The following KMT2C variants were observed in gnomAD, a reference collection of about 807,000 sequenced individuals.
KMT2C encodes the protein lysine methyltransferase 2C.
A neutral mutation model predicts 507.9 loss-of-function variants in KMT2C; 88 were observed. The observed-to-expected ratio is 0.17, with a 90% CI of 0.15 to 0.21. The LOEUF (loss-of-function observed/expected upper bound fraction) is 0.21. Ranked by LOEUF, KMT2C falls within the 10% of genes least tolerant of loss-of-function variation. The pLI, the probability that KMT2C is intolerant of heterozygous loss-of-function variation, is 1.00. For missense variants in KMT2C, 4,954 were observed against 5,957.8 expected (o/e 0.83, Z 5.55); for synonymous variants, 2,049 against 2,080.8 (o/e 0.98, Z 0.42).
Position 152,298,969 on chromosome 7 carries a change from C to CA in KMT2C, c.849+10996dup, listed in dbSNP as rs796354907. ...GTACACTATAATCTTAAAGCAACTA[C>CA]AAAAATAATTTTTAAAAACAGGTAA... On this transcript the variant is annotated intron_variant, in intron 6 of 58. Transcript: ENST00000262189. 4.1e-4 allele frequency among the ~76,000 whole-genome samples: 63 copies of CA among 152,174 alleles called. 1 individual carries two copies. The highest frequency in any genetic ancestry group is 1.5e-3 in the African/African-American group (61 of 41,534).
At chr7:152,263,919 A>G (rs1464441242) in intron 8 of KMT2C, among the ~76,000 whole-genome samples, 1 of 152,222 alleles carries the variant, frequency 6.6e-6, no homozygotes, top group Non-Finnish European at 1.5e-5. Flanking sequence ...GAAAGCAAGA[A>G]GAGCTGAGAG....
chr7:152,155,878 T>C (rs1007143071), intron 46 of KMT2C, 32 bp downstream of exon 46: 19 of 1,567,324 alleles, frequency 1.2e-5, no homozygotes, highest in Non-Finnish European at 1.6e-5. Flanking sequence ...AAGAAATAAC[T>C]AAGAATTATT....
intron 14 of KMT2C, among the ~76,000 whole-genome samples, chr7:152,245,858 A>T (rs2095463663): frequency 6.6e-6 from 1 of 152,182 alleles, no homozygotes; most frequent in Admixed American, 6.5e-5. Context: ...AAAATATGAA[A>T]ATGCCAGTGA....
intron 35 of KMT2C, 82 bp from the exon 36 acceptor site, chr7:152,182,676 G>C: frequency 7.7e-7 from 1 of 1,292,856 alleles, no homozygotes. Context: ...GCAACAGAAA[G>C]TTAATTTGTT....
chr7:152,254,887 G>T (rs1222055432), intron 9 of KMT2C, among the ~76,000 whole-genome samples: 1 of 151,724 alleles, frequency 6.6e-6, no homozygotes, highest in African/African-American at 2.4e-5. Flanking sequence ...AAAGGCAATA[G>T]AATTCACACA....
At chr7:152,157,284 C>A (rs2092121737) in intron 44 of KMT2C, among the ~76,000 whole-genome samples, 1 of 146,470 alleles carries the variant, frequency 6.8e-6, no homozygotes, top group African/African-American at 2.5e-5. Flanking sequence ...GCTGAGATTG[C>A]ACCACTGCAA....
chr7:152,149,291 G>T, intron 51 of KMT2C, 139 bp from the exon 52 acceptor site: 2 of 708,328 alleles, frequency 2.8e-6, no homozygotes, highest in Non-Finnish European at 4.2e-6. Context: ...AGCAGTAAGT[G>T]CTGGGGGCTC....
At chr7:152,366,438 A>G (rs1290379531) in intron 1 of KMT2C, among the ~76,000 whole-genome samples, 1 of 152,250 alleles carries the variant, frequency 6.6e-6, no homozygotes, top group Non-Finnish European at 1.5e-5. Context: ...CATATGCGAT[A>G]CTACAACATA....
chr7:152,225,009 G>GA (rs1305729902), intron 18 of KMT2C, among the ~76,000 whole-genome samples: 4 of 152,154 alleles, frequency 2.6e-5, no homozygotes, highest in Admixed American at 6.5e-5. Context: ...AGAATCAATA[G>GA]AAAAAATACC....
chr7:152,242,939 A>G (rs2095411556), intron 14 of KMT2C, among the ~76,000 whole-genome samples: 2 of 152,216 alleles, frequency 1.3e-5, no homozygotes, highest in Non-Finnish European at 2.9e-5. Flanking sequence ...CAGTAAGTCT[A>G]ATTTAGGAAA....
In KMT2C at chr7:152,135,260, G is replaced by A. The variant is rs2089784110; in HGVS notation, c.*1572C>T. The A allele has an allele frequency of 4.5e-6, 1 of 220,612 alleles. No individual in the cohort carries two copies. The highest frequency in any genetic ancestry group is 1.8e-4 in the South Asian group (1 of 5,426). 13.7% of individuals were successfully genotyped at this position (220,612 alleles called of 1,614,324 possible). Reference sequence around the variant, plus strand: ...TCACTGAATATACCAACAGTTTACAGTCCACTTGAATTGTGCACACAAAAC... The same window carrying A: ...TCACTGAATATACCAACAGTTTACAATCCACTTGAATTGTGCACACAAAAC... On this transcript the variant is annotated 3_prime_UTR_variant, in exon 59 of 59. Coordinates refer to ENST00000262189, the MANE Select transcript of KMT2C (RefSeq NM_170606.3).
intron 6 of KMT2C, among the ~76,000 whole-genome samples, chr7:152,298,083 C>G (rs1161185493): frequency 6.6e-6 from 1 of 151,572 alleles, no homozygotes; most frequent in East Asian, 1.9e-4. Flanking sequence ...GATACAAGAA[C>G]AGACACTAGC....
intron 18 of KMT2C, among the ~76,000 whole-genome samples, chr7:152,228,824 T>A (rs2095018438): frequency 6.6e-6 from 1 of 152,196 alleles, no homozygotes; most frequent in Non-Finnish European, 1.5e-5. Context: ...CTCTATTTTT[T>A]AATTGGCTTT....
rs754460722 is a variant in KMT2C, at chr7:152,167,308, C to T, written c.9588G>A (p.Lys3196=). ...GAGCACCAATTTGTTCTTCAAGATA[C>T]TTCTGCTGCATTTGAAGCAGCTGTT... ...ETQQLLQMQQ[K]YLEEQIGAHR... The change falls in exon 42 of 59, where the codon AAG becomes AAA. Residue 3196 remains lysine, a synonymous_variant. Transcript: ENST00000262189. 42 of 1,613,908 alleles carry T rather than the reference C, an allele frequency of 2.6e-5. 1 individual carries two copies. The Middle Eastern group carries it at 4.9e-4, about 19-fold the overall frequency.
At chr7:152,249,226 A>C (rs2095523436) in intron 13 of KMT2C, among the ~76,000 whole-genome samples, 1 of 152,162 alleles carries the variant, frequency 6.6e-6, no homozygotes, top group African/African-American at 2.4e-5. Flanking sequence ...CCAGTATGTT[A>C]AACCTTTAAC....
chr7:152,327,270 G>A (rs2096837748), intron 3 of KMT2C, among the ~76,000 whole-genome samples: 1 of 152,166 alleles, frequency 6.6e-6, no homozygotes, highest in Non-Finnish European at 1.5e-5. Context: ...ATATATTCAT[G>A]AGTAGCTTTT....
chr7:152,343,450 G>GA (rs200886066), intron 2 of KMT2C, among the ~76,000 whole-genome samples: 5,090 of 72,378 alleles, frequency 0.07, 347 homozygotes, highest in African/African-American at 0.2. Flanking sequence ...AAAAGACTGG[G>GA]AAAAAAAAAA....
At chr7:152,290,145 A>G (rs570523131) in intron 6 of KMT2C, among the ~76,000 whole-genome samples, 4 of 151,270 alleles carry the variant, frequency 2.6e-5, no homozygotes, top group Non-Finnish European at 4.4e-5. Context: ...AAGACCACTT[A>G]GTAATCTTAT....
intron 23 of KMT2C, among the ~76,000 whole-genome samples, chr7:152,218,863 C>T (rs1462138879): frequency 2.0e-5 from 3 of 152,206 alleles, no homozygotes. Context: ...GTCTGGGATG[C>T]TCTTCTCTCA....
Sources: allele counts gnomAD v4.1 joint callset (sites outside exome capture counted in the v4.1 genomes callset), GRCh38; gene constraint gnomAD v4.1.1; transcripts MANE v1.5; gene names NCBI Gene and HGNC (gene_info 2026-07-23, HGNC 2026-07-21).